Variants in EP300 observed in about 807,000 individuals in gnomAD.
EP300 encodes the protein EP300 lysine acetyltransferase.
EP300 carries 31 observed loss-of-function variants against 264.0 expected under a neutral mutation model. The observed-to-expected ratio is 0.12, with a 90% CI of 0.09 to 0.16. The LOEUF (loss-of-function observed/expected upper bound fraction) is 0.16, where lower values mean the gene tolerates loss of function less well. EP300 is among the 10% of genes least tolerant of loss of function. The pLI is 1.00. For synonymous variants in EP300, 1,340 were observed against 1,045.4 expected (o/e 1.28, Z -5.44); for missense variants, 2,766 against 3,052.9 (o/e 0.91, Z 2.21).
chr22:41,167,840 T>G (rs1262115467), intron 23 of EP300, among the ~76,000 whole-genome samples: 14 of 99,210 alleles, frequency 1.4e-4, no homozygotes, highest in Admixed American at 2.3e-4. Flanking sequence ...TTTTTTTTTT[T>G]TTTTTTTTTT....
chr22:41,096,522 C>T (rs2058703027), intron 1 of EP300, among the ~76,000 whole-genome samples: 1 of 150,866 alleles, frequency 6.6e-6, no homozygotes, highest in Non-Finnish European at 1.5e-5. Flanking sequence ...AGACACAGGG[C>T]AGATAGTGTG....
intron 10 of EP300, among the ~76,000 whole-genome samples, chr22:41,145,326 T>C (rs1222517465): frequency 6.6e-6 from 1 of 152,192 alleles, no homozygotes; most frequent in Non-Finnish European, 1.5e-5. Flanking sequence ...CAGATAAAAG[T>C]TTATATGAAT....
At chr22:41,131,986 A>G (rs2058922375) in intron 6 of EP300, among the ~76,000 whole-genome samples, 1 of 152,082 alleles carries the variant, frequency 6.6e-6, no homozygotes. Flanking sequence ...TCACAAGGTC[A>G]GGAGTTTGAG....
intron 10 of EP300, among the ~76,000 whole-genome samples, chr22:41,141,835 CCTGT>C (rs2058984360): frequency 6.6e-6 from 1 of 152,052 alleles, no homozygotes; most frequent in African/African-American, 2.4e-5. Context: ...TGCCACCACG[CCTGT>C]CTAATTTTTG....
In EP300 at chr22:41,179,026, AT is replaced by A. The variant is rs1160178750; in HGVS notation, c.*77del. ...AACAAGACTTTTTGTACTGAAAACAATTTTTTTGAATCTTTCGTAGCCTAAA... is the reference window on the plus strand; with the variant it reads ...AACAAGACTTTTTGTACTGAAAACAATTTTTTGAATCTTTCGTAGCCTAAA... On this transcript the variant is annotated 3_prime_UTR_variant, in exon 31 of 31. Transcript: ENST00000263253. 4 of 1,575,642 alleles carry A rather than the reference AT, an allele frequency of 2.5e-6. No homozygotes were observed. The highest frequency in any genetic ancestry group is 3.5e-6 in the Non-Finnish European group (4 of 1,156,560).
intron 23 of EP300, among the ~76,000 whole-genome samples, chr22:41,167,084 G>T (rs1421224252): frequency 6.6e-6 from 1 of 152,160 alleles, no homozygotes; most frequent in East Asian, 1.9e-4. Context: ...TGCAACCTCC[G>T]CCTCCCAGGT....
At chr22:41,106,805 C>T (rs993619333) in intron 1 of EP300, among the ~76,000 whole-genome samples, 7 of 152,076 alleles carry the variant, frequency 4.6e-5, no homozygotes, top group Non-Finnish European at 8.8e-5. Flanking sequence ...CTATGTTGCT[C>T]AGGCTTGTCT....
Position 41,147,972 on chromosome 22 carries a change from C to A in EP300, c.2241+26C>A, listed in dbSNP as rs376544181. The A allele has an allele frequency of 2.2e-5, 33 of 1,514,690 alleles. No homozygotes were observed. The African/African-American group carries it at 4.3e-4, about 20-fold the overall frequency. 93.8% of individuals were successfully genotyped at this position (1,514,690 alleles called of 1,614,324 possible). A position where few individuals can be genotyped will look rare whatever the true frequency, so the allele number is the denominator to read the frequency against. ...GTTAGTTTGACGTCTTTGGTAATCT[C>A]TTTGGCCTTTACCTGGTATTTTGAA... On this transcript the variant is annotated intron_variant, in intron 12 of 30. Coordinates refer to ENST00000263253, the MANE Select transcript of EP300 (RefSeq NM_001429.4).
rs2059222376 is a variant in EP300, at chr22:41,178,958, G to A, written c.*2G>A. On this transcript the variant is annotated 3_prime_UTR_variant, in exon 31 of 31. Coordinates refer to ENST00000263253, the MANE Select transcript of EP300 (RefSeq NM_001429.4). ...CAGAGTACACTAGACATACACTAGA[G>A]ACACCTTGTAGTATTTTGGGAGCAA... The A allele has an allele frequency of 2.5e-6, 4 of 1,602,610 alleles. No individual in the cohort carries two copies. Among genetic ancestry groups the A allele is most frequent in the South Asian group, 1.1e-5 (1 of 90,328 alleles).
intron 6 of EP300, 52 bp downstream of exon 6, chr22:41,131,685 A>G: frequency 1.9e-6 from 3 of 1,612,222 alleles, no homozygotes; most frequent in East Asian, 2.2e-5. Flanking sequence ...AGTAAATGAC[A>G]TCTATAAACA....
At chr22:41,140,353 G>T in intron 9 of EP300, 96 bp downstream of exon 9, 1 of 863,748 alleles carries the variant, frequency 1.2e-6, no homozygotes, top group South Asian at 1.3e-5. Context: ...ATATGCTTCA[G>T]ACGGGGGACA....
At chr22:41,107,034 G>A (rs1311270408) in intron 1 of EP300, among the ~76,000 whole-genome samples, 2 of 152,140 alleles carry the variant, frequency 1.3e-5, no homozygotes, top group Non-Finnish European at 2.9e-5. Context: ...AGCCTCCTGA[G>A]TAGCTGGGAT....
At chr22:41,123,364 A>T (rs1295831031) in intron 2 of EP300, among the ~76,000 whole-genome samples, 1 of 152,192 alleles carries the variant, frequency 6.6e-6, no homozygotes, top group Non-Finnish European at 1.5e-5. Flanking sequence ...AATATATAAG[A>T]TACCATAGAT....
At chr22:41,101,690 G>A (rs900395339) in intron 1 of EP300, among the ~76,000 whole-genome samples, 5 of 151,948 alleles carry the variant, frequency 3.3e-5, no homozygotes, top group African/African-American at 1.2e-4. Context: ...GGATTACAGG[G>A]GTAAGCCACC....
At chr22:41,163,458 A>G (rs1362969423) in intron 21 of EP300, among the ~76,000 whole-genome samples, 2 of 139,772 alleles carry the variant, frequency 1.4e-5, no homozygotes, top group African/African-American at 2.7e-5. Flanking sequence ...AAAAAAAATT[A>G]GCCAGGTTTG....
At chr22:41,137,932 G>A (rs2058961316) in intron 8 of EP300, 142 bp downstream of exon 8, 6 of 1,175,050 alleles carry the variant, frequency 5.1e-6, no homozygotes, top group Non-Finnish European at 6.1e-6. Flanking sequence ...CTACTCTTGT[G>A]GATTTCTTGC....
intron 29 of EP300, among the ~76,000 whole-genome samples, chr22:41,175,767 AC>A (rs1315898452): frequency 5.9e-5 from 9 of 152,352 alleles, no homozygotes; most frequent in Admixed American, 5.9e-4. Context: ...CCTCACCCAG[AC>A]CATTGTTACT....
chr22:41,149,697 C>T, intron 13 of EP300, 64 bp from the exon 14 acceptor site: 1 of 1,509,058 alleles, frequency 6.6e-7, no homozygotes, highest in Non-Finnish European at 9.2e-7. Context: ...TATATCATGC[C>T]TATGTAAGTA....
At chr22:41,160,421 A>AAAAAAAAAAC (rs576717197) in intron 19 of EP300, 3 of 482,792 alleles carry the variant, frequency 6.2e-6, no homozygotes, top group South Asian at 4.9e-5. Flanking sequence ...TTTGATTGCA[A>AAAAAAAAAAC]AAAAAAAAAC....
Sources: gnomAD v4.1 joint callset for allele counts (sites outside exome capture counted in the v4.1 genomes callset) on GRCh38, gnomAD v4.1.1 for gene constraint, MANE v1.5 for transcripts, NCBI Gene and HGNC (gene_info 2026-07-23, HGNC 2026-07-21) for gene names.